RPF2: variants seen among roughly 807,000 people sequenced by gnomAD.
RPF2 encodes ribosome production factor 2 homolog, also known as brix domain containing 1.
In RPF2, 21 loss-of-function variants were observed where a neutral mutation model predicts 38.9. The ratio of observed to expected loss-of-function variants is 0.54; its 90% CI spans 0.38 to 0.78. The LOEUF (loss-of-function observed/expected upper bound fraction) is 0.78. RPF2 is among the 30% of genes least tolerant of loss of function. RPF2 has a pLI of 0.00. For synonymous variants in RPF2, 121 were observed against 126.2 expected (o/e 0.96, Z 0.28); for missense variants, 314 against 358.1 (o/e 0.88, Z 0.99).
At chr6:110,991,966 A>G (rs994087306) in intron 4 of RPF2, among the ~76,000 whole-genome samples, 180 bp downstream of exon 4, 3 of 152,182 alleles carry the variant, frequency 2.0e-5, no homozygotes, top group East Asian at 1.9e-4. Flanking sequence ...TCATTTCACT[A>G]TGGCTGGGAA....
chr6:111,015,895 G>A (rs936080646), intron 8 of RPF2, 39 bp downstream of exon 8: 18 of 1,434,798 alleles, frequency 1.3e-5, no homozygotes, highest in Non-Finnish European at 1.8e-5. Flanking sequence ...AATCCTCAGG[G>A]TTAGTGTTTA....
chr6:110,999,595 G>A (rs990872688), intron 5 of RPF2, 116 bp from the exon 6 acceptor site: 3 of 650,468 alleles, frequency 4.6e-6, no homozygotes, highest in African/African-American at 1.8e-5. Context: ...GTTTGCGGGG[G>A]TATAGGGAGA....
At chr6:110,989,824 T>C (rs1000852097) in intron 3 of RPF2, among the ~76,000 whole-genome samples, 2 of 152,220 alleles carry the variant, frequency 1.3e-5, no homozygotes, top group African/African-American at 2.4e-5. Flanking sequence ...GGTTTCACCA[T>C]GTTGGCCAGG....
intron 8 of RPF2, among the ~76,000 whole-genome samples, chr6:111,022,695 ATTAT>A (rs1159813597): frequency 2.6e-5 from 4 of 152,346 alleles, no homozygotes; most frequent in Admixed American, 2.6e-4. Flanking sequence ...AATTTTAAAA[ATTAT>A]TTTTAGTTAA....
chr6:111,016,593 G>GGA (rs1772113366), intron 8 of RPF2, among the ~76,000 whole-genome samples: 1 of 141,354 alleles, frequency 7.1e-6, no homozygotes, highest in Admixed American at 6.9e-5. Context: ...TGAGGGCGCT[G>GGA]AAAAAACAAA....
intron 7 of RPF2, among the ~76,000 whole-genome samples, chr6:111,008,463 T>TC (rs1771955907): frequency 6.6e-6 from 1 of 151,812 alleles, no homozygotes; most frequent in Non-Finnish European, 1.5e-5. Flanking sequence ...CTCGGGAGAG[T>TC]TAAAGCAGCT....
At chr6:111,000,563 T>C (rs978890187) in intron 6 of RPF2, among the ~76,000 whole-genome samples, 1 of 152,202 alleles carries the variant, frequency 6.6e-6, no homozygotes. Context: ...GTTTTAATGA[T>C]ATTATGAAAT....
chr6:111,023,382 A>G (rs1772266456), intron 8 of RPF2, among the ~76,000 whole-genome samples: 2 of 152,212 alleles, frequency 1.3e-5, no homozygotes, highest in African/African-American at 2.4e-5. Context: ...TTGATTCTGA[A>G]TGGGTTGGTT....
At chr6:110,984,448 G>C (rs1771488318) in intron 1 of RPF2, among the ~76,000 whole-genome samples, 1 of 152,036 alleles carries the variant, frequency 6.6e-6, no homozygotes, top group Non-Finnish European at 1.5e-5. Context: ...AGTAATAAAA[G>C]AATGGTGGGA....
chr6:110,990,571 C>T (rs55687606), intron 3 of RPF2, among the ~76,000 whole-genome samples: 25 of 134,370 alleles, frequency 1.9e-4, no homozygotes, highest in East Asian at 7.3e-4. Flanking sequence ...CCCCCCCCCC[C>T]CCACCTTTTC....
intron 8 of RPF2, among the ~76,000 whole-genome samples, chr6:111,020,750 A>G (rs1772217726): frequency 2.0e-5 from 3 of 152,114 alleles, no homozygotes. Context: ...AATCCCAGCT[A>G]CTCAGGAGGC....
intron 4 of RPF2, 63 bp downstream of exon 4, chr6:110,991,849 A>G: frequency 1.7e-6 from 1 of 589,976 alleles, no homozygotes; most frequent in South Asian, 3.1e-5. Flanking sequence ...AGACTAATTC[A>G]TTTGTACTCC....
intron 7 of RPF2, among the ~76,000 whole-genome samples, chr6:111,009,444 T>G (rs1350400619): frequency 6.6e-6 from 1 of 151,508 alleles, no homozygotes; most frequent in Non-Finnish European, 1.5e-5. Context: ...CCACCCTCCT[T>G]GGCCTCCCAA....
At chr6:111,002,734 A>T (rs1256447056) in intron 6 of RPF2, among the ~76,000 whole-genome samples, 1 of 151,620 alleles carries the variant, frequency 6.6e-6, no homozygotes, top group Non-Finnish European at 1.5e-5. Flanking sequence ...ATGTGCTTAC[A>T]TTGGCAATTC....
chr6:110,997,867 G>A (rs1167159339), intron 5 of RPF2, among the ~76,000 whole-genome samples: 2 of 151,512 alleles, frequency 1.3e-5, no homozygotes, highest in African/African-American at 2.4e-5. Context: ...CAGGGGGGTT[G>A]GTGTCTCTTC....
At chr6:111,016,692 T>TTC (rs1772119655) in intron 8 of RPF2, among the ~76,000 whole-genome samples, 2 of 149,454 alleles carry the variant, frequency 1.3e-5, no homozygotes, top group South Asian at 4.3e-4. Context: ...TCTTTCTTTT[T>TTC]TTTTTTTTTA....
intron 6 of RPF2, among the ~76,000 whole-genome samples, chr6:111,002,144 G>A (rs1771821172): frequency 6.6e-6 from 1 of 152,098 alleles, no homozygotes; most frequent in Non-Finnish European, 1.5e-5. Context: ...GCCAGGCATG[G>A]TGGTGCACGC....
chr6:111,021,341 A>T (rs1419106675), intron 8 of RPF2, among the ~76,000 whole-genome samples: 1 of 152,212 alleles, frequency 6.6e-6, no homozygotes, highest in Non-Finnish European at 1.5e-5. Flanking sequence ...TGATCACTAG[A>T]TGTTCCATAT....
At chr6:111,015,699 C>T in intron 7 of RPF2, 55 bp from the exon 8 acceptor site, 1 of 1,234,716 alleles carries the variant, frequency 8.1e-7, no homozygotes, top group Non-Finnish European at 1.2e-6. Context: ...TTCTTTGTAA[C>T]TGAATTTTGC....
Sources: gnomAD v4.1 joint callset for allele counts (sites outside exome capture counted in the v4.1 genomes callset) on GRCh38, gnomAD v4.1.1 for gene constraint, MANE v1.5 for transcripts, NCBI Gene and HGNC (gene_info 2026-07-23, HGNC 2026-07-21) for gene names.